ANO4: variants seen among roughly 807,000 people sequenced by gnomAD.
ANO4 encodes anoctamin 4, also known as anoctamin-4.
A neutral mutation model predicts 141.9 loss-of-function variants in ANO4; 69 were observed. That is an observed-to-expected ratio of 0.49 (90% CI 0.40 to 0.59). The LOEUF (loss-of-function observed/expected upper bound fraction) is 0.59. Among genes scored for constraint, ANO4 ranks in the 20% least tolerant of loss-of-function variants. ANO4 has a pLI of 0.00. For missense variants in ANO4, 894 were observed against 1,162.2 expected (o/e 0.77, Z 3.36); for synonymous variants, 350 against 394.3 (o/e 0.89, Z 1.33).
chr12:101,031,278 A>G (rs551383751), intron 9 of ANO4, among the ~76,000 whole-genome samples: 15 of 152,234 alleles, frequency 9.9e-5, no homozygotes, highest in Non-Finnish European at 2.2e-4. Context: ...AGGCTGGTTC[A>G]ACATACATAA....
intron 17 of ANO4, among the ~76,000 whole-genome samples, chr12:101,088,230 G>T (rs1161688582): frequency 1.3e-5 from 2 of 151,966 alleles, no homozygotes; most frequent in East Asian, 3.9e-4. Flanking sequence ...TTTATTTGCT[G>T]TTCTCTCTGC....
At chr12:100,974,782 G>C (rs1215901429) in intron 6 of ANO4, 63 bp from the exon 7 acceptor site, 2 of 1,564,492 alleles carry the variant, frequency 1.3e-6, no homozygotes, top group Non-Finnish European at 1.8e-6. Flanking sequence ...TTCCTTGCTA[G>C]TTCAAACTGT....
chr12:100,754,374 G>GT (rs35200950), intron 3 of ANO4, among the ~76,000 whole-genome samples: 61,662 of 151,958 alleles, frequency 0.41, 12,714 homozygotes, highest in Admixed American at 0.48. Flanking sequence ...AGGGGTAGTA[G>GT]TTCCTGGCTG....
chr12:101,016,414 C>G (rs1181335724), intron 8 of ANO4, among the ~76,000 whole-genome samples: 9 of 152,160 alleles, frequency 5.9e-5, no homozygotes, highest in Non-Finnish European at 1.0e-4. Context: ...TGAGAACTCA[C>G]TCATTACCAT....
chr12:100,926,602 T>TG (rs2041881508), intron 3 of ANO4, among the ~76,000 whole-genome samples: 1 of 147,406 alleles, frequency 6.8e-6, no homozygotes, highest in African/African-American at 2.5e-5. Flanking sequence ...AAGGGTGTGT[T>TG]TGTGTGTGTG....
intron 3 of ANO4, among the ~76,000 whole-genome samples, chr12:100,751,142 A>G (rs1025126385): frequency 2.6e-5 from 4 of 152,152 alleles, no homozygotes; most frequent in Non-Finnish European, 5.9e-5. Context: ...GACCCTGGGG[A>G]ATTCTCTTTG....
chr12:100,730,175 A>G (rs578039576), intron 1 of ANO4, among the ~76,000 whole-genome samples: 26 of 152,314 alleles, frequency 1.7e-4, no homozygotes, highest in African/African-American at 5.8e-4. Context: ...AGGAATGACA[A>G]CTTTAGAGTA....
chr12:100,844,730 A>G (rs2037467272), intron 1 of ANO4, among the ~76,000 whole-genome samples: 1 of 151,634 alleles, frequency 6.6e-6, no homozygotes, highest in South Asian at 2.1e-4. Context: ...AATTAAAGTC[A>G]GGGCTTTAAA....
At chr12:100,775,220 CA>C (rs1261703605) in intron 3 of ANO4, among the ~76,000 whole-genome samples, 1 of 152,186 alleles carries the variant, frequency 6.6e-6, no homozygotes, top group African/African-American at 2.4e-5. Flanking sequence ...GTCTTTCAAA[CA>C]TACAGAAAAT....
intron 1 of ANO4, among the ~76,000 whole-genome samples, chr12:100,809,439 T>G: frequency 6.7e-6 from 1 of 149,412 alleles, no homozygotes; most frequent in Non-Finnish European, 1.5e-5. Flanking sequence ...CAAGGCAGAG[T>G]TGGAACATGG....
At chr12:100,941,957 AATTATTATTATTATT>A (rs138288410) in intron 4 of ANO4, among the ~76,000 whole-genome samples, 19 of 143,150 alleles carry the variant, frequency 1.3e-4, no homozygotes, top group African/African-American at 3.1e-4. Flanking sequence ...CAATGAAAAA[AATTATTATTATTATT>A]ATTATTATTA....
At chr12:100,803,249 C>G (rs2135671200) in intron 1 of ANO4, among the ~76,000 whole-genome samples, 1 of 152,202 alleles carries the variant, frequency 6.6e-6, no homozygotes, top group South Asian at 2.1e-4. Context: ...GTGGGATCAC[C>G]CATGAGCAGA....
upstream of ANO4, among the ~76,000 whole-genome samples, chr12:100,717,349 CG>C (rs767378159): frequency 1.1e-4 from 16 of 151,462 alleles, no homozygotes; most frequent in Non-Finnish European, 1.9e-4. Flanking sequence ...GGCCCCCGCG[CG>C]CCGGCAGCTC....
chr12:100,980,301 G>A lies in ANO4; in HGVS notation c.602+5412G>A, dbSNP rs147333878. 3.3e-5 allele frequency among the ~76,000 whole-genome samples: 5 copies of A among 152,320 alleles called. No individual in the cohort carries two copies. In the East Asian group the frequency reaches 9.6e-4, roughly 29 times the overall value. ...ATATCACTGGGATGTGTGACTTTCT[G>A]AAGCCCAGTGTATGGTGTACATTTA... is the stretch of plus-strand genomic sequence containing the variant. On this transcript the variant is annotated intron_variant, in intron 7 of 27. Transcript: ENST00000392977.
chr12:100,953,534 A>G (rs2043058000), intron 5 of ANO4, among the ~76,000 whole-genome samples: 1 of 152,166 alleles, frequency 6.6e-6, no homozygotes. Context: ...GTATCTAATA[A>G]CTCCATTTCC....
rs182454754 is a variant in ANO4 at position 100,735,868 on chromosome 12, C to T, written c.106+2011C>T. 1.1e-3 allele frequency among the ~76,000 whole-genome samples: 160 copies of T among 152,202 alleles called. 1 individual carries two copies. The highest frequency in any genetic ancestry group is 3.8e-3 in the African/African-American group (156 of 41,528). On this transcript the variant is annotated intron_variant, in intron 2 of 29. Transcript: ENST00000644049. ...AAATTAGAAATATGGAGAACATGTT[C>T]AGGAGATGAAGATATTGGCACTATC...
intron 3 of ANO4, among the ~76,000 whole-genome samples, chr12:100,757,075 G>A (rs574200527): frequency 5.9e-5 from 9 of 152,094 alleles, no homozygotes; most frequent in East Asian, 1.9e-4. Flanking sequence ...TTAGTCTGAC[G>A]GTTTTTAAAA....
At chr12:100,748,792 A>G (rs1219506253) in intron 3 of ANO4, among the ~76,000 whole-genome samples, 2 of 151,580 alleles carry the variant, frequency 1.3e-5, no homozygotes, top group East Asian at 3.9e-4. Context: ...TGAGCATTGT[A>G]TATGATTTTT....
At chr12:100,811,606 C>T (rs1008538657) in intron 1 of ANO4, among the ~76,000 whole-genome samples, 1 of 152,156 alleles carries the variant, frequency 6.6e-6, no homozygotes, top group African/African-American at 2.4e-5. Flanking sequence ...GGACTGGATA[C>T]ATTTCCACAG....
Sources: allele counts gnomAD v4.1 joint callset (sites outside exome capture counted in the v4.1 genomes callset), GRCh38; gene constraint gnomAD v4.1.1; transcripts MANE v1.5; gene names NCBI Gene and HGNC (gene_info 2026-07-23, HGNC 2026-07-21).